Variants in HDAC9 observed in about 807,000 individuals in gnomAD.
HDAC9 encodes MEF-2 interacting transcription repressor (MITR) protein.
Under a neutral mutation model 139.4 loss-of-function variants are expected in HDAC9, and 41 were observed. That is an observed-to-expected ratio of 0.29 (90% CI 0.23 to 0.38). The LOEUF (loss-of-function observed/expected upper bound fraction) is 0.38, where lower values mean the gene tolerates loss of function less well. HDAC9 is among the 10% of genes least tolerant of loss of function. The pLI is 1.00. For missense variants in HDAC9, 1,147 were observed against 1,297.0 expected (o/e 0.88, Z 1.78); for synonymous variants, 517 against 476.2 (o/e 1.09, Z -1.12).
At chr7:18,773,970 T>G (rs1719046533) in intron 16 of HDAC9, among the ~76,000 whole-genome samples, 1 of 151,322 alleles carries the variant, frequency 6.6e-6, no homozygotes, top group Non-Finnish European at 1.5e-5. Flanking sequence ...ACTTCTAAAC[T>G]TTCATTAATG....
At chr7:18,100,122 G>A (rs918082934) in intron 1 of HDAC9, among the ~76,000 whole-genome samples, 5 of 151,922 alleles carry the variant, frequency 3.3e-5, no homozygotes, top group African/African-American at 7.3e-5. Context: ...TCTTTTAATA[G>A]TTTAAAGATG....
chr7:18,292,276 T>C (rs1486031958), intron 1 of HDAC9, among the ~76,000 whole-genome samples: 1 of 152,132 alleles, frequency 6.6e-6, no homozygotes, highest in Admixed American at 6.6e-5. Flanking sequence ...GCTAAGCTAC[T>C]TACCCAGCTC....
intron 1 of HDAC9, chr7:18,430,841 T>C (rs1790575679): frequency 6.6e-6 from 1 of 152,272 alleles, no homozygotes; most frequent in African/African-American, 2.4e-5. Flanking sequence ...GAGCTGAGAT[T>C]GTGCCAGTGC....
At chr7:18,508,219 G>T (rs192382200) in intron 2 of HDAC9, among the ~76,000 whole-genome samples, 57 of 152,316 alleles carry the variant, frequency 3.7e-4, no homozygotes, top group African/African-American at 1.4e-3. Flanking sequence ...TGATAGGGCA[G>T]TATTAACTAG....
At chr7:18,415,711 G>C (rs561808203) in intron 1 of HDAC9, among the ~76,000 whole-genome samples, 3 of 152,112 alleles carry the variant, frequency 2.0e-5, no homozygotes, top group Non-Finnish European at 4.4e-5. Flanking sequence ...AGGTTTTCTA[G>C]CCCCTGTGTT....
intron 2 of HDAC9, among the ~76,000 whole-genome samples, chr7:18,233,929 T>TC (rs978882276): frequency 2.0e-5 from 3 of 152,154 alleles, no homozygotes; most frequent in African/African-American, 7.2e-5. Context: ...TTTTTTTTTT[T>TC]CTTAAGTTTG....
intron 1 of HDAC9, among the ~76,000 whole-genome samples, chr7:18,473,868 G>A (rs765771032): frequency 1.3e-5 from 2 of 152,198 alleles, no homozygotes; most frequent in Non-Finnish European, 2.9e-5. Flanking sequence ...TAAAGTCTAA[G>A]AGGAGCATTA....
At chr7:18,152,636 T>C (rs538870561) in intron 1 of HDAC9, among the ~76,000 whole-genome samples, 1 of 152,248 alleles carries the variant, frequency 6.6e-6, no homozygotes, top group East Asian at 1.9e-4. Flanking sequence ...AAATCACTGG[T>C]ATGAAATCTG....
At chr7:18,685,762 A>G (rs1782225901) in intron 12 of HDAC9, among the ~76,000 whole-genome samples, 1 of 151,968 alleles carries the variant, frequency 6.6e-6, no homozygotes, top group African/African-American at 2.4e-5. Flanking sequence ...AGAGTTTTTG[A>G]TATTCCTCAG....
intron 23 of HDAC9, among the ~76,000 whole-genome samples, chr7:18,944,626 G>A (rs1782245654): frequency 6.6e-6 from 1 of 151,978 alleles, no homozygotes; most frequent in Admixed American, 6.6e-5. Context: ...AAATATCACA[G>A]AGATCACATA....
intron 12 of HDAC9, among the ~76,000 whole-genome samples, chr7:18,713,118 A>T (rs1470494517): frequency 4.6e-5 from 7 of 152,326 alleles, no homozygotes; most frequent in Admixed American, 1.3e-4. Flanking sequence ...GTATAGCAGA[A>T]CAGAAAAGTC....
At chr7:18,622,277 G>A (rs531585622) in intron 6 of HDAC9, among the ~76,000 whole-genome samples, 4 of 152,180 alleles carry the variant, frequency 2.6e-5, no homozygotes, top group Admixed American at 2.0e-4. Context: ...CACTACAGGT[G>A]GAATCATTGT....
At chr7:18,569,479 T>C (rs73309579) in intron 2 of HDAC9, among the ~76,000 whole-genome samples, 7,859 of 152,258 alleles carry the variant, frequency 0.052, 694 homozygotes, top group African/African-American at 0.18. Flanking sequence ...CTTATACTTT[T>C]GATTGTACAA....
At chr7:18,236,229 A>G (rs1027544846) in intron 2 of HDAC9, among the ~76,000 whole-genome samples, 2 of 152,152 alleles carry the variant, frequency 1.3e-5, no homozygotes, top group African/African-American at 4.8e-5. Flanking sequence ...CTTGTTAGCA[A>G]TGCAGATCCT....
At chr7:18,714,392 G>C (rs542660656) in intron 12 of HDAC9, among the ~76,000 whole-genome samples, 1 of 152,298 alleles carries the variant, frequency 6.6e-6, no homozygotes, top group South Asian at 2.1e-4. Flanking sequence ...CTGACTTGCT[G>C]TTGCTGTTAG....
At chr7:18,728,215 T>C (rs1785715915) in intron 13 of HDAC9, among the ~76,000 whole-genome samples, 2 of 152,198 alleles carry the variant, frequency 1.3e-5, no homozygotes, top group South Asian at 2.1e-4. Context: ...CATGGGATTC[T>C]ATAGTACCAA....
At chr7:18,172,424 G>T (rs1438649044) in intron 2 of HDAC9, among the ~76,000 whole-genome samples, 1 of 151,922 alleles carries the variant, frequency 6.6e-6, no homozygotes, top group Non-Finnish European at 1.5e-5. Flanking sequence ...TGATTTTTTT[G>T]AAGGGTTTTT....
intron 11 of HDAC9, among the ~76,000 whole-genome samples, chr7:18,650,036 A>G (rs1227766990): frequency 1.3e-5 from 2 of 152,184 alleles, no homozygotes; most frequent in African/African-American, 2.4e-5. Context: ...ATTATTTTAT[A>G]TCAAATCAGT....
At chr7:18,407,185 G>A (rs1788093951) in intron 1 of HDAC9, among the ~76,000 whole-genome samples, 1 of 152,094 alleles carries the variant, frequency 6.6e-6, no homozygotes, top group Non-Finnish European at 1.5e-5. Context: ...TGTTGGAGAG[G>A]ATTCCACTTT....
Sources: gnomAD v4.1 joint callset for allele counts (sites outside exome capture counted in the v4.1 genomes callset) on GRCh38, gnomAD v4.1.1 for gene constraint, MANE v1.5 for transcripts, NCBI Gene and HGNC (gene_info 2026-07-23, HGNC 2026-07-21) for gene names.